The following CPNE4 variants were observed in gnomAD, a reference collection of about 807,000 sequenced individuals.
CPNE4 encodes copine 4.
In CPNE4, 25 loss-of-function variants were observed where a neutral mutation model predicts 67.9. That is an observed-to-expected ratio of 0.37 (90% confidence interval 0.27 to 0.51). The LOEUF (loss-of-function observed/expected upper bound fraction) is 0.51. CPNE4 is among the 20% of genes least tolerant of loss of function. The pLI, the probability that CPNE4 is intolerant of heterozygous loss-of-function variation, is 0.93. For missense variants in CPNE4, 464 were observed against 690.8 expected (o/e 0.67, Z 3.68); for synonymous variants, 242 against 244.9 (o/e 0.99, Z 0.11).
intron 1 of CPNE4, among the ~76,000 whole-genome samples, chr3:132,032,473 TATGTA>T (rs760876988): frequency 6.6e-6 from 1 of 152,252 alleles, no homozygotes; most frequent in Non-Finnish European, 1.5e-5. Context: ...TATATCCTTT[TATGTA>T]ATGTTAATGG....
chr3:131,607,549 T>C lies in CPNE4; in HGVS notation c.682-19967A>G, dbSNP rs181769511. Among the ~76,000 whole-genome samples, 441 of 152,270 alleles carry C rather than the reference T, an allele frequency of 2.9e-3. 1 individual carries two copies. Among genetic ancestry groups the C allele is most frequent in the Non-Finnish European group, 5.4e-3 (370 of 68,014 alleles). On this transcript the variant is annotated intron_variant, in intron 7 of 15. Coordinates refer to ENST00000429747, the MANE Select transcript of CPNE4 (RefSeq NM_130808.3). ...CTGGCTATCATAACATTCAACGTATTTTCAAAGGTAGTTTTTGATAAATGG... is the reference window on the plus strand; with the variant it reads ...CTGGCTATCATAACATTCAACGTATCTTCAAAGGTAGTTTTTGATAAATGG...
intron 1 of CPNE4, among the ~76,000 whole-genome samples, chr3:132,016,684 T>C (rs1018571213): frequency 1.2e-4 from 19 of 152,214 alleles, no homozygotes; most frequent in Admixed American, 1.2e-3. Flanking sequence ...TCTTTGAATA[T>C]TAAAATCCTA....
intron 10 of CPNE4, among the ~76,000 whole-genome samples, chr3:131,566,220 T>G (rs895523236): frequency 1.3e-5 from 2 of 151,798 alleles, no homozygotes; most frequent in Admixed American, 6.6e-5. Flanking sequence ...CCATGGCAAT[T>G]TGGGGAAGAA....
intron 1 of CPNE4, among the ~76,000 whole-genome samples, chr3:132,013,047 A>C (rs2073807461): frequency 6.6e-6 from 1 of 152,194 alleles, no homozygotes; most frequent in South Asian, 2.1e-4. Context: ...ACATGGTGAA[A>C]CCCCATCTCT....
intron 2 of CPNE4, among the ~76,000 whole-genome samples, chr3:131,743,970 A>AAAAAAAAG (rs2107784511): frequency 6.7e-6 from 1 of 148,442 alleles, no homozygotes; most frequent in South Asian, 2.1e-4. Flanking sequence ...CTCAAAAAAA[A>AAAAAAAAG]AAAAAAAAAA....
intron 1 of CPNE4, among the ~76,000 whole-genome samples, chr3:131,948,226 C>A (rs2071617466): frequency 6.6e-6 from 1 of 152,088 alleles, no homozygotes; most frequent in South Asian, 2.1e-4. Context: ...AGGTCAGGAC[C>A]ACGTGGAGGT....
At chr3:131,660,738 A>T (rs1324485954) in intron 7 of CPNE4, among the ~76,000 whole-genome samples, 1 of 152,206 alleles carries the variant, frequency 6.6e-6, no homozygotes, top group Non-Finnish European at 1.5e-5. Flanking sequence ...GGATAATAAG[A>T]GTGTCTCCCT....
chr3:131,843,339 T>C (rs1474261017), intron 2 of CPNE4, among the ~76,000 whole-genome samples: 1 of 152,204 alleles, frequency 6.6e-6, no homozygotes, highest in Admixed American at 6.5e-5. Flanking sequence ...TGCATGCTTC[T>C]GTTTTATCGA....
At chr3:131,780,836 G>A (rs569551545) in intron 2 of CPNE4, among the ~76,000 whole-genome samples, 86 of 152,016 alleles carry the variant, frequency 5.7e-4, no homozygotes, top group African/African-American at 1.9e-3. Flanking sequence ...ACCTAAAATA[G>A]AAGTTGGAAA....
At chr3:131,539,485 T>C (rs1339498965) in intron 15 of CPNE4, among the ~76,000 whole-genome samples, 1 of 152,264 alleles carries the variant, frequency 6.6e-6, no homozygotes, top group Non-Finnish European at 1.5e-5. Context: ...TTTCTGCTAA[T>C]ACCTTTCTCC....
At chr3:131,691,022 C>G (rs1285171573) in intron 5 of CPNE4, among the ~76,000 whole-genome samples, 1 of 152,052 alleles carries the variant, frequency 6.6e-6, no homozygotes, top group East Asian at 1.9e-4. Flanking sequence ...TCGCACCAGT[C>G]AGAATACCTA....
chr3:131,536,217 A>G (rs1329675457), intron 15 of CPNE4, among the ~76,000 whole-genome samples: 1 of 152,174 alleles, frequency 6.6e-6, no homozygotes, highest in African/African-American at 2.4e-5. Context: ...TTATTCTATC[A>G]GCCTTATGGA....
At chr3:131,772,067 GTGAA>G (rs956469748) in intron 2 of CPNE4, among the ~76,000 whole-genome samples, 1 of 152,132 alleles carries the variant, frequency 6.6e-6, no homozygotes, top group Non-Finnish European at 1.5e-5. Context: ...TGAGGCTACA[GTGAA>G]GTTCGTGGAG....
intron 3 of CPNE4, among the ~76,000 whole-genome samples, chr3:131,712,637 G>A (rs186540535): frequency 5.9e-5 from 9 of 152,328 alleles, no homozygotes; most frequent in South Asian, 2.1e-4. Flanking sequence ...ATATTATTTC[G>A]TGAATTGGCT....
intron 2 of CPNE4, among the ~76,000 whole-genome samples, chr3:131,884,905 T>C (rs998025880): frequency 1.3e-5 from 2 of 152,200 alleles, no homozygotes; most frequent in African/African-American, 4.8e-5. Flanking sequence ...TCTCTCTCTT[T>C]TGTAAATTGC....
intron 1 of CPNE4, among the ~76,000 whole-genome samples, chr3:131,921,910 A>G (rs1294209314): frequency 2.6e-5 from 4 of 152,212 alleles, no homozygotes; most frequent in Admixed American, 6.6e-5. Flanking sequence ...ATATTTATCA[A>G]GCAGGCTCTT....
intron 6 of CPNE4, among the ~76,000 whole-genome samples, chr3:131,672,581 A>ATCAATGATGT: frequency 6.6e-6 from 1 of 152,212 alleles, no homozygotes; most frequent in Middle Eastern, 3.4e-3. Context: ...ATCTCTGATG[A>ATCAATGATGT]TCAATGATGT....
chr3:131,997,489 C>T (rs1023270621), intron 1 of CPNE4, among the ~76,000 whole-genome samples: 1 of 152,070 alleles, frequency 6.6e-6, no homozygotes, highest in Non-Finnish European at 1.5e-5. Flanking sequence ...TGATCAAGCC[C>T]ATAAATTTCT....
At chr3:131,875,315 C>G (rs984571720) in intron 2 of CPNE4, among the ~76,000 whole-genome samples, 2 of 152,122 alleles carry the variant, frequency 1.3e-5, no homozygotes, top group Non-Finnish European at 2.9e-5. Context: ...ACCCAGCCAT[C>G]CCATTACTGG....
Sources: gnomAD v4.1 joint callset for allele counts (sites outside exome capture counted in the v4.1 genomes callset) on GRCh38, gnomAD v4.1.1 for gene constraint, MANE v1.5 for transcripts, NCBI Gene and HGNC (gene_info 2026-07-23, HGNC 2026-07-21) for gene names.